Variants in MAGI1 observed in about 807,000 individuals in gnomAD.
The protein encoded by MAGI1 is membrane associated guanylate kinase, WW and PDZ domain containing 1, also known as membrane-associated guanylate kinase, WW and PDZ domain-containing protein 1.
MAGI1 carries 58 observed loss-of-function variants against 139.9 expected under a neutral mutation model. That is an observed-to-expected ratio of 0.41 (90% confidence interval 0.34 to 0.52). The LOEUF (loss-of-function observed/expected upper bound fraction) is 0.52. Among genes scored for constraint, MAGI1 ranks in the 20% least tolerant of loss-of-function variants. MAGI1 has a pLI of 0.12. For synonymous variants in MAGI1, 812 were observed against 737.9 expected (o/e 1.10, Z -1.63); for missense variants, 1,874 against 1,901.6 (o/e 0.99, Z 0.27).
At chr3:65,822,037 A>T (rs966650032) in intron 1 of MAGI1, among the ~76,000 whole-genome samples, 1 of 152,212 alleles carries the variant, frequency 6.6e-6, no homozygotes, top group East Asian at 1.9e-4. Flanking sequence ...ACCAACCTAA[A>T]GGAAATACAA....
chr3:65,442,982 A>C (rs1451094511), intron 7 of MAGI1, 133 bp from the exon 8 acceptor site: 10 of 535,690 alleles, frequency 1.9e-5, no homozygotes, highest in African/African-American at 1.7e-4. Flanking sequence ...TGTATATCCT[A>C]ACCAAAAAAA....
intron 1 of MAGI1, among the ~76,000 whole-genome samples, chr3:65,791,892 G>C (rs545188817): frequency 7.2e-5 from 11 of 152,194 alleles, no homozygotes; most frequent in African/African-American, 2.4e-4. Flanking sequence ...TTGCCTTCAG[G>C]TGCCTTTTCA....
intron 1 of MAGI1, among the ~76,000 whole-genome samples, chr3:65,805,881 G>C (rs768276700): frequency 6.6e-6 from 1 of 152,124 alleles, no homozygotes; most frequent in Non-Finnish European, 1.5e-5. Context: ...ATTGGGAGCT[G>C]AACAATGAGA....
In MAGI1 at chr3:65,937,473, G is replaced by C. The variant is rs1299365517; in HGVS notation, c.313+100523C>G. Among the ~76,000 whole-genome samples the C allele has an allele frequency of 2.0e-5, 3 of 152,238 alleles. No homozygotes were observed. In the South Asian group the frequency reaches 6.2e-4, roughly 32 times the overall value. ...GGTGGCCCACAGGCCCACAGAGAAA[G>C]AGAGAGGTTGTGTCAGGGGCTGAGA... On this transcript the variant is annotated intron_variant, in intron 1 of 22. Coordinates refer to ENST00000402939, the MANE Select transcript of MAGI1 (RefSeq NM_001033057.2).
intron 1 of MAGI1, among the ~76,000 whole-genome samples, chr3:65,696,129 C>CT (rs2089164220): frequency 6.6e-6 from 1 of 152,176 alleles, no homozygotes. Context: ...AGTGAGCTCA[C>CT]TCCTGCCTCC....
chr3:65,888,472 A>G (rs1163748488), intron 1 of MAGI1, among the ~76,000 whole-genome samples: 1 of 152,222 alleles, frequency 6.6e-6, no homozygotes, highest in Non-Finnish European at 1.5e-5. Context: ...CGTTAAGAAG[A>G]AAAACATGTT....
intron 1 of MAGI1, among the ~76,000 whole-genome samples, chr3:66,024,406 C>T (rs1320040636): frequency 2.0e-5 from 3 of 150,144 alleles, no homozygotes; most frequent in Non-Finnish European, 4.4e-5. Context: ...AATGTTCCTA[C>T]ATGGCAGCAA....
At chr3:65,655,358 A>G (rs928777330) in intron 1 of MAGI1, among the ~76,000 whole-genome samples, 1 of 152,190 alleles carries the variant, frequency 6.6e-6, no homozygotes, top group African/African-American at 2.4e-5. Context: ...ACATCCAACC[A>G]TACATAGTTA....
intron 1 of MAGI1, among the ~76,000 whole-genome samples, chr3:65,966,422 T>A (rs2064744897): frequency 6.6e-6 from 1 of 152,218 alleles, no homozygotes; most frequent in African/African-American, 2.4e-5. Context: ...TACCTATTTG[T>A]TTTATTCAAT....
intron 5 of MAGI1, among the ~76,000 whole-genome samples, chr3:65,466,112 T>A (rs978031386): frequency 5.9e-5 from 9 of 152,186 alleles, no homozygotes; most frequent in African/African-American, 2.2e-4. Flanking sequence ...AGACTTTCTA[T>A]TTTTGGCTGA....
chr3:65,442,081 C>T (rs1575760373), intron 8 of MAGI1, among the ~76,000 whole-genome samples: 1 of 144,652 alleles, frequency 6.9e-6, no homozygotes, highest in Admixed American at 6.9e-5. Context: ...TAATACAAAG[C>T]TTTTTTTTTT....
At chr3:65,806,225 T>C (rs1264670298) in intron 1 of MAGI1, among the ~76,000 whole-genome samples, 1 of 151,746 alleles carries the variant, frequency 6.6e-6, no homozygotes, top group Non-Finnish European at 1.5e-5. Context: ...GGTCGGGAGA[T>C]CAAGACCATC....
intron 1 of MAGI1, among the ~76,000 whole-genome samples, chr3:65,820,430 G>A (rs1431338509): frequency 1.3e-5 from 2 of 152,132 alleles, no homozygotes; most frequent in Admixed American, 1.3e-4. Context: ...ATGTCAAGGG[G>A]CTGATGGATA....
chr3:65,374,607 C>T (rs1401998541), intron 18 of MAGI1, among the ~76,000 whole-genome samples: 3 of 152,082 alleles, frequency 2.0e-5, no homozygotes, highest in Non-Finnish European at 2.9e-5. Flanking sequence ...CGTGAGACAC[C>T]GCATTCAGCC....
chr3:65,965,646 A>G (rs1447691118), intron 1 of MAGI1, among the ~76,000 whole-genome samples: 1 of 150,300 alleles, frequency 6.7e-6, no homozygotes, highest in Non-Finnish European at 1.5e-5. Flanking sequence ...AAATCTGAGG[A>G]CTCTGTTTCA....
chr3:65,629,558 C>T (rs1446330936), intron 1 of MAGI1, among the ~76,000 whole-genome samples: 1 of 97,908 alleles, frequency 1.0e-5, no homozygotes, highest in Non-Finnish European at 1.8e-5. Flanking sequence ...GGTGCTATTA[C>T]AGCAAAAAAA....
intron 1 of MAGI1, among the ~76,000 whole-genome samples, chr3:65,863,830 T>C (rs971851836): frequency 2.6e-5 from 4 of 152,168 alleles, no homozygotes; most frequent in Admixed American, 1.3e-4. Context: ...CATAGTCCCC[T>C]CTTTTCCTAC....
intron 1 of MAGI1, among the ~76,000 whole-genome samples, chr3:66,008,616 T>C (rs1576445103): frequency 6.6e-6 from 1 of 152,184 alleles, no homozygotes; most frequent in Admixed American, 6.5e-5. Context: ...TTAAACAAGA[T>C]GAGATTCTGT....
At chr3:65,582,462 G>A (rs1001398832) in intron 2 of MAGI1, among the ~76,000 whole-genome samples, 2 of 152,180 alleles carry the variant, frequency 1.3e-5, no homozygotes, top group East Asian at 1.9e-4. Flanking sequence ...TAGTAATGGA[G>A]AGGATGATTT....
Sources: allele counts gnomAD v4.1 joint callset (sites outside exome capture counted in the v4.1 genomes callset), GRCh38; gene constraint gnomAD v4.1.1; transcripts MANE v1.5; gene names NCBI Gene and HGNC (gene_info 2026-07-23, HGNC 2026-07-21).